Variants in MACROD2 observed in about 807,000 individuals in gnomAD.
MACROD2 encodes ADP-ribose glycohydrolase MACROD2.
A neutral mutation model predicts 70.4 loss-of-function variants in MACROD2; 36 were observed. The ratio of observed to expected loss-of-function variants is 0.51; its 90% CI spans 0.39 to 0.68. MACROD2 has a LOEUF of 0.68. Among genes scored for constraint, MACROD2 ranks in the 30% least tolerant of loss-of-function variants. The pLI is 0.00. For missense variants in MACROD2, 496 were observed against 538.4 expected, an observed-to-expected ratio of 0.92 and a Z score of 0.78; for synonymous variants, 172 against 178.8, an observed-to-expected ratio of 0.96 and a Z score of 0.30.
intron 4 of MACROD2, among the ~76,000 whole-genome samples, chr20:14,632,595 A>G (rs916847229): frequency 6.6e-6 from 1 of 152,166 alleles, no homozygotes; most frequent in African/African-American, 2.4e-5. Context: ...TCTCAATACC[A>G]ACCTGCTATT....
At chr20:16,032,892 A>G (rs549091890) in intron 15 of MACROD2, among the ~76,000 whole-genome samples, 1 of 151,856 alleles carries the variant, frequency 6.6e-6, no homozygotes, top group East Asian at 1.9e-4. Flanking sequence ...GAGGAGGGGA[A>G]GACTCTGGAC....
At chr20:14,218,942 C>T (rs1299583283) in intron 3 of MACROD2, among the ~76,000 whole-genome samples, 1 of 152,142 alleles carries the variant, frequency 6.6e-6, no homozygotes, top group African/African-American at 2.4e-5. Flanking sequence ...GTTACCTGGT[C>T]CTTCTGTCTC....
At chr20:15,092,849 G>T (rs559144709) in intron 5 of MACROD2, among the ~76,000 whole-genome samples, 2 of 152,056 alleles carry the variant, frequency 1.3e-5, no homozygotes, top group Non-Finnish European at 2.9e-5. Context: ...CTTTAAATGA[G>T]CACAGCATTA....
intron 4 of MACROD2, among the ~76,000 whole-genome samples, chr20:14,646,308 A>C (rs967999493): frequency 2.0e-5 from 3 of 152,026 alleles, no homozygotes; most frequent in Non-Finnish European, 4.4e-5. Context: ...AACTCATAAA[A>C]GCACTTATGT....
At chr20:14,040,950 A>G (rs2053382325) in intron 2 of MACROD2, among the ~76,000 whole-genome samples, 1 of 152,228 alleles carries the variant, frequency 6.6e-6, no homozygotes, top group Non-Finnish European at 1.5e-5. Context: ...TAGAAAGTTA[A>G]GTTAGAAGGA....
At chr20:15,894,731 A>G (rs928615840) in intron 10 of MACROD2, among the ~76,000 whole-genome samples, 1 of 152,358 alleles carries the variant, frequency 6.6e-6, no homozygotes, top group African/African-American at 2.4e-5. Context: ...GTTGTTATCA[A>G]TATGATGATC....
At chr20:14,413,712 TAG>T (rs2083773424) in intron 3 of MACROD2, among the ~76,000 whole-genome samples, 1 of 152,194 alleles carries the variant, frequency 6.6e-6, no homozygotes, top group South Asian at 2.1e-4. Context: ...CAATATGGTG[TAG>T]AGTTACACAA....
chr20:15,687,260 C>T (rs2050239420), intron 8 of MACROD2, among the ~76,000 whole-genome samples: 1 of 149,846 alleles, frequency 6.7e-6, no homozygotes, highest in Non-Finnish European at 1.5e-5. Context: ...CAAAAGATCA[C>T]TGTGAGTATT....
chr20:14,846,161 C>T (rs940404845), intron 5 of MACROD2, among the ~76,000 whole-genome samples: 6 of 152,086 alleles, frequency 3.9e-5, no homozygotes, highest in Non-Finnish European at 5.9e-5. Context: ...TTATTAGACT[C>T]CTAATTACAA....
At chr20:15,980,557 C>G (rs2066383007) in intron 13 of MACROD2, among the ~76,000 whole-genome samples, 1 of 152,162 alleles carries the variant, frequency 6.6e-6, no homozygotes, top group African/African-American at 2.4e-5. Context: ...GTTTTTATTA[C>G]TATTATAACT....
At chr20:14,319,441 C>A (rs2082639911) in intron 3 of MACROD2, among the ~76,000 whole-genome samples, 1 of 152,160 alleles carries the variant, frequency 6.6e-6, no homozygotes, top group African/African-American at 2.4e-5. Context: ...GATATATCTC[C>A]CTCCTGGTGT....
At chr20:15,702,760 T>C (rs2050478833) in intron 8 of MACROD2, among the ~76,000 whole-genome samples, 1 of 152,150 alleles carries the variant, frequency 6.6e-6, no homozygotes, top group African/African-American at 2.4e-5. Context: ...AACGTTATTT[T>C]TCACAGAATT....
At chr20:15,205,855 C>A (rs1214045607) in intron 5 of MACROD2, among the ~76,000 whole-genome samples, 2 of 152,206 alleles carry the variant, frequency 1.3e-5, no homozygotes, top group Admixed American at 1.3e-4. Flanking sequence ...AAAGGAGTGG[C>A]AAGGCCACAT....
intron 4 of MACROD2, among the ~76,000 whole-genome samples, chr20:14,517,102 A>G (rs1457866972): frequency 6.6e-6 from 1 of 152,210 alleles, no homozygotes; most frequent in Non-Finnish European, 1.5e-5. Context: ...AGTGTAAATT[A>G]TTTCAACCAT....
chr20:14,835,101 G>A (rs1415847890), intron 5 of MACROD2, among the ~76,000 whole-genome samples: 1 of 152,032 alleles, frequency 6.6e-6, no homozygotes, highest in Non-Finnish European at 1.5e-5. Flanking sequence ...GCTGATGTGT[G>A]CATGTAAAGT....
chr20:16,014,397 G>GT (rs1390391129), intron 15 of MACROD2, among the ~76,000 whole-genome samples: 1 of 152,186 alleles, frequency 6.6e-6, no homozygotes, highest in Non-Finnish European at 1.5e-5. Context: ...AGCAACTTTT[G>GT]TTACACTAAG....
At chr20:15,988,820 C>T (rs909389485) in intron 15 of MACROD2, among the ~76,000 whole-genome samples, 7 of 152,104 alleles carry the variant, frequency 4.6e-5, no homozygotes, top group African/African-American at 1.7e-4. Flanking sequence ...AGATATTTCA[C>T]TTGGTCCTGC....
At chr20:15,092,595 T>C (rs528180423) in intron 5 of MACROD2, among the ~76,000 whole-genome samples, 115 of 151,940 alleles carry the variant, frequency 7.6e-4, no homozygotes, top group African/African-American at 2.7e-3. Context: ...TCTGATAATA[T>C]TGGAAAACTT....
intron 8 of MACROD2, among the ~76,000 whole-genome samples, chr20:15,842,712 G>GGATAGATGGATA (rs2064185601): frequency 7.1e-6 from 1 of 141,584 alleles, no homozygotes; most frequent in African/African-American, 2.7e-5. Context: ...GTGGGTGGAT[G>GGATAGATGGATA]GATAGATAGA....
Sources: gnomAD v4.1 joint callset for allele counts (sites outside exome capture counted in the v4.1 genomes callset) on GRCh38, gnomAD v4.1.1 for gene constraint, MANE v1.5 for transcripts, NCBI Gene and HGNC (gene_info 2026-07-23, HGNC 2026-07-21) for gene names.